Variants in GPBP1 observed in about 807,000 individuals in gnomAD.
GPBP1 encodes the protein GC-rich promoter binding protein 1.
In GPBP1, 13 loss-of-function variants were observed where a neutral mutation model predicts 56.5. The observed-to-expected ratio is 0.23, with a 90% CI of 0.15 to 0.37. The LOEUF is 0.37. Ranked by LOEUF, GPBP1 falls within the 10% of genes least tolerant of loss-of-function variation. GPBP1 has a pLI of 1.00. For missense variants in GPBP1, 477 were observed against 572.3 expected (o/e 0.83, Z 1.70); for synonymous variants, 204 against 188.9 (o/e 1.08, Z -0.66).
At chr5:57,247,302 G>A in intron 8 of GPBP1, 87 bp downstream of exon 8, 1 of 1,063,686 alleles carries the variant, frequency 9.4e-7, no homozygotes, top group East Asian at 2.8e-5. Context: ...TTCATTAAAT[G>A]AATACATTAA....
Position 57,247,198 on chromosome 5 carries a change from A to G in GPBP1, c.787A>G (p.Thr263Ala), listed in dbSNP as rs1361231508. ...KSTAKNFSPS[T>A]NSVKECNRSN... Reference sequence around the variant, plus strand: ...AACTGCCAAGAACTTTAGTCCATCTACAAATTCAGTGAAAGAGGTATGACA... The same window carrying G: ...AACTGCCAAGAACTTTAGTCCATCTGCAAATTCAGTGAAAGAGGTATGACA... Residue 263 changes from threonine to alanine, a missense_variant, in exon 8 of 12, where the codon ACA becomes GCA. Around this residue, in one of 2 missense-constraint regions of GPBP1, gnomAD observed 414 missense variants for 458.2 expected, o/e 0.90. Transcript: ENST00000506184. 2 of 1,612,792 alleles carry G rather than the reference A, an allele frequency of 1.2e-6. No homozygotes were observed. Among genetic ancestry groups the G allele is most frequent in the African/African-American group, 1.3e-5 (1 of 74,882 alleles).
chr5:57,231,437 C>A, intron 5 of GPBP1, 116 bp downstream of exon 5: 1 of 798,334 alleles, frequency 1.3e-6, no homozygotes, highest in Non-Finnish European at 2.0e-6. Context: ...CCAGGCCCGC[C>A]TAATTTTTAT....
intron 6 of GPBP1, chr5:57,245,708 A>T (rs1371644638): frequency 6.6e-6 from 1 of 152,222 alleles, no homozygotes; most frequent in African/African-American, 2.4e-5. Flanking sequence ...TTCAGAAATC[A>T]GGATTGAGTT....
At chr5:57,242,584 C>T (rs1406329468) in intron 6 of GPBP1, among the ~76,000 whole-genome samples, 1 of 152,100 alleles carries the variant, frequency 6.6e-6, no homozygotes, top group Non-Finnish European at 1.5e-5. Flanking sequence ...GCCCCAGCCT[C>T]CTAGGCTCAA....
chr5:57,254,721 G>T (rs1741567677), intron 10 of GPBP1, among the ~76,000 whole-genome samples: 1 of 150,348 alleles, frequency 6.7e-6, no homozygotes. Context: ...AGTAAGTTTT[G>T]TATTTGGACC....
intron 2 of GPBP1, among the ~76,000 whole-genome samples, chr5:57,189,709 T>A (rs2111626577): frequency 6.6e-6 from 1 of 152,374 alleles, no homozygotes; most frequent in South Asian, 2.1e-4. Flanking sequence ...TGTCTTTCCA[T>A]TGGATCTAAA....
At chr5:57,239,839 T>TA (rs1740740757) in intron 6 of GPBP1, among the ~76,000 whole-genome samples, 1 of 152,196 alleles carries the variant, frequency 6.6e-6, no homozygotes, top group Non-Finnish European at 1.5e-5. Context: ...AAAATGATCT[T>TA]AAACATTTTT....
chr5:57,243,015 T>G (rs375206185), intron 6 of GPBP1, among the ~76,000 whole-genome samples: 1 of 150,818 alleles, frequency 6.6e-6, no homozygotes, highest in African/African-American at 2.5e-5. Flanking sequence ...TCCCAAAGTG[T>G]TGGGATTACA....
At chr5:57,247,617 C>G (rs1561371071) in intron 8 of GPBP1, among the ~76,000 whole-genome samples, 1 of 152,102 alleles carries the variant, frequency 6.6e-6, no homozygotes, top group Non-Finnish European at 1.5e-5. Context: ...CTGGGAATGT[C>G]AAGGCTGCAG....
At chr5:57,175,012 A>T (rs1331818433) in intron 1 of GPBP1, among the ~76,000 whole-genome samples, 1 of 152,116 alleles carries the variant, frequency 6.6e-6, no homozygotes, top group Non-Finnish European at 1.5e-5. Context: ...TTCTCTTTAC[A>T]CTTATCTCTG....
intron 5 of GPBP1, among the ~76,000 whole-genome samples, chr5:57,233,360 G>GT (rs1037382375): frequency 2.6e-5 from 4 of 151,982 alleles, no homozygotes; most frequent in Admixed American, 6.6e-5. Context: ...TTAGTGATCT[G>GT]TTTTTTCCAC....
chr5:57,216,531 A>G (rs1418995956), intron 3 of GPBP1, among the ~76,000 whole-genome samples: 1 of 152,106 alleles, frequency 6.6e-6, no homozygotes, highest in Non-Finnish European at 1.5e-5. Flanking sequence ...AGACCAGCCT[A>G]GCTAACATGG....
chr5:57,239,776 T>C (rs866922284), intron 6 of GPBP1, among the ~76,000 whole-genome samples: 25 of 152,190 alleles, frequency 1.6e-4, no homozygotes, highest in African/African-American at 5.8e-4. Flanking sequence ...AGACACTCCA[T>C]CTCCGAACAA....
intron 2 of GPBP1, among the ~76,000 whole-genome samples, chr5:57,199,263 G>A (rs922047857): frequency 6.7e-6 from 1 of 149,406 alleles, no homozygotes; most frequent in African/African-American, 2.4e-5. Flanking sequence ...GTGTCATAGT[G>A]GTTATTTAGT....
intron 10 of GPBP1, among the ~76,000 whole-genome samples, chr5:57,251,731 T>TA: frequency 6.6e-6 from 1 of 152,292 alleles, no homozygotes. Context: ...GGACATATGA[T>TA]AGTTGTGTTT....
intron 2 of GPBP1, among the ~76,000 whole-genome samples, chr5:57,211,371 A>G (rs1314268444): frequency 6.6e-6 from 1 of 151,940 alleles, no homozygotes; most frequent in East Asian, 1.9e-4. Flanking sequence ...AATTTTTTGT[A>G]GAGACGGGAG....
At chr5:57,189,200 A>G (rs866689907) in intron 2 of GPBP1, among the ~76,000 whole-genome samples, 1 of 152,100 alleles carries the variant, frequency 6.6e-6, no homozygotes, top group South Asian at 2.1e-4. Context: ...GTTCACTGCA[A>G]CTTCCACTTT....
chr5:57,257,357 A>G (rs1044013029), intron 10 of GPBP1, among the ~76,000 whole-genome samples: 3 of 152,094 alleles, frequency 2.0e-5, no homozygotes, highest in African/African-American at 7.2e-5. Context: ...TTTAAGGATA[A>G]TGCTTTTCAA....
intron 2 of GPBP1, among the ~76,000 whole-genome samples, chr5:57,182,041 T>C (rs966284073): frequency 6.6e-6 from 1 of 152,196 alleles, no homozygotes; most frequent in Non-Finnish European, 1.5e-5. Flanking sequence ...TGTTCACAGC[T>C]TGGTGGGTGC....
Sources: gnomAD v4.1 joint callset for allele counts (sites outside exome capture counted in the v4.1 genomes callset) on GRCh38, gnomAD v4.1.1 for gene constraint, gnomAD v4.1.1 regional missense constraint, MANE v1.5 for transcripts, NCBI Gene and HGNC (gene_info 2026-07-23, HGNC 2026-07-21) for gene names.